PKIB: variants seen among roughly 807,000 people sequenced by gnomAD.
PKIB encodes PKI-beta.
Under a neutral mutation model 4.5 loss-of-function variants are expected in PKIB, and 2 were observed. That is an observed-to-expected ratio of 0.44 (90% CI 0.18 to 1.39). The LOEUF is 1.39. PKIB is among the 40% of genes most tolerant of loss of function. The pLI is 0.27. For missense variants in PKIB, 94 were observed against 92.6 expected (o/e 1.02, Z -0.06); for synonymous variants, 38 against 36.0 (o/e 1.06, Z -0.20).
intron 3 of PKIB, among the ~76,000 whole-genome samples, chr6:122,697,244 A>T (rs988386194): frequency 1.3e-5 from 2 of 152,090 alleles, no homozygotes; most frequent in East Asian, 3.9e-4. Flanking sequence ...GGTCCCCTTC[A>T]TAAGGATGGT....
chr6:122,495,138 G>A (rs1382531906), intron 2 of PKIB, among the ~76,000 whole-genome samples: 1 of 152,074 alleles, frequency 6.6e-6, no homozygotes, highest in Admixed American at 6.5e-5. Context: ...AAACATTTTG[G>A]TTGGTGACAG....
chr6:122,567,659 G>A (rs771887322), intron 2 of PKIB, among the ~76,000 whole-genome samples: 1 of 152,144 alleles, frequency 6.6e-6, no homozygotes, highest in African/African-American at 2.4e-5. Flanking sequence ...GAATTTATAA[G>A]TAGAGTAGTA....
chr6:122,654,569 T>G (rs1776695380), intron 2 of PKIB, among the ~76,000 whole-genome samples: 1 of 152,204 alleles, frequency 6.6e-6, no homozygotes, highest in Non-Finnish European at 1.5e-5. Context: ...ACAGGGTTCT[T>G]AACCAAGGCT....
intron 2 of PKIB, among the ~76,000 whole-genome samples, chr6:122,516,343 A>G (rs979872635): frequency 3.3e-5 from 5 of 152,124 alleles, no homozygotes; most frequent in African/African-American, 4.8e-5. Context: ...ATATAACTCC[A>G]TAGGAGACCT....
Position 122,519,310 on chromosome 6 carries a change from G to A in PKIB, c.-248+41371G>A, listed in dbSNP as rs549730514. ...CCCAGATGAGACTGTCTAGTTGCAGGAAAACAAGCTCAGGGCTCCCACTGA... is the reference window on the plus strand; with the variant it reads ...CCCAGATGAGACTGTCTAGTTGCAGAAAAACAAGCTCAGGGCTCCCACTGA... On this transcript the variant is annotated intron_variant, in intron 2 of 6. Coordinates refer to the PKIB transcript ENST00000392491. Among the ~76,000 whole-genome samples, 4 of 152,226 alleles carry A rather than the reference G, an allele frequency of 2.6e-5. No homozygotes were observed. The South Asian group carries it at 8.3e-4, about 32-fold the overall frequency.
intron 2 of PKIB, among the ~76,000 whole-genome samples, chr6:122,557,155 G>T (rs1772868852): frequency 6.6e-6 from 1 of 152,208 alleles, no homozygotes; most frequent in African/African-American, 2.4e-5. Flanking sequence ...GGCAGAGCTT[G>T]CAGTGAGCTG....
At chr6:122,691,812 G>A (rs1176993630) in intron 3 of PKIB, among the ~76,000 whole-genome samples, 1 of 152,004 alleles carries the variant, frequency 6.6e-6, no homozygotes, top group African/African-American at 2.4e-5. Context: ...GTCTCAGTCT[G>A]GGCTTGTTTT....
At chr6:122,703,946 A>AGT (rs1778947268) in intron 3 of PKIB, among the ~76,000 whole-genome samples, 1 of 81,514 alleles carries the variant, frequency 1.2e-5, no homozygotes, top group Non-Finnish European at 2.8e-5. Context: ...ATATATAGAG[A>AGT]GAGAGAGAGA....
intron 2 of PKIB, among the ~76,000 whole-genome samples, chr6:122,636,287 A>G (rs1442708480): frequency 6.6e-6 from 1 of 152,082 alleles, no homozygotes; most frequent in Non-Finnish European, 1.5e-5. Flanking sequence ...TATTTTTGCT[A>G]AAAATATATA....
intron 3 of PKIB, among the ~76,000 whole-genome samples, chr6:122,592,949 A>G (rs921323127): frequency 6.6e-6 from 1 of 152,204 alleles, no homozygotes; most frequent in East Asian, 1.9e-4. Flanking sequence ...AATAATGTAC[A>G]TAACTCTAAT....
chr6:122,478,311 C>G (rs1445549013), intron 2 of PKIB: 1 of 152,134 alleles, frequency 6.6e-6, no homozygotes, highest in Non-Finnish European at 1.5e-5. Flanking sequence ...TGGCAGAATC[C>G]AGTCTTTCTA....
At chr6:122,592,575 CT>C (rs1774051995) in intron 3 of PKIB, among the ~76,000 whole-genome samples, 1 of 152,340 alleles carries the variant, frequency 6.6e-6, no homozygotes, top group African/African-American at 2.4e-5. Context: ...TCCCACATCA[CT>C]TCTCTCACCC....
At chr6:122,707,360 C>T (rs1442301113) in intron 3 of PKIB, among the ~76,000 whole-genome samples, 3 of 151,980 alleles carry the variant, frequency 2.0e-5, no homozygotes, top group African/African-American at 7.2e-5. Flanking sequence ...AAGGCTTAAT[C>T]ATTTCTCTCC....
chr6:122,623,975 G>C (rs1475272672), intron 1 of PKIB, among the ~76,000 whole-genome samples: 3 of 152,054 alleles, frequency 2.0e-5, no homozygotes, highest in African/African-American at 4.8e-5. Flanking sequence ...CAAGAATTCA[G>C]TATGTCATTT....
intron 1 of PKIB, among the ~76,000 whole-genome samples, chr6:122,477,013 A>AT (rs1488339601): frequency 2.0e-5 from 3 of 152,168 alleles, no homozygotes; most frequent in African/African-American, 4.8e-5. Flanking sequence ...GTAATTTAAA[A>AT]TTTTTTGTAG....
At chr6:122,706,083 C>T (rs1206648330) in intron 3 of PKIB, among the ~76,000 whole-genome samples, 1 of 152,044 alleles carries the variant, frequency 6.6e-6, no homozygotes, top group East Asian at 1.9e-4. Flanking sequence ...TTTTGCACTC[C>T]CCTCTTTTAG....
chr6:122,615,282 T>C (rs536731157), intron 1 of PKIB, among the ~76,000 whole-genome samples: 3 of 152,274 alleles, frequency 2.0e-5, no homozygotes, highest in South Asian at 4.1e-4. Flanking sequence ...GGAGGTTTCA[T>C]CTGAAGGCTA....
intron 3 of PKIB, among the ~76,000 whole-genome samples, chr6:122,689,321 T>C (rs1562303037): frequency 6.6e-6 from 1 of 152,218 alleles, no homozygotes; most frequent in Non-Finnish European, 1.5e-5. Context: ...CAGTTTTCTC[T>C]TGCTTTTCTA....
chr6:122,608,661 T>A (rs1774625243), upstream of PKIB, among the ~76,000 whole-genome samples: 1 of 152,222 alleles, frequency 6.6e-6, no homozygotes, highest in African/African-American at 2.4e-5. Context: ...GAGTACCTAC[T>A]TTGTGAAGGT....
Sources: gnomAD v4.1 joint callset for allele counts (sites outside exome capture counted in the v4.1 genomes callset) on GRCh38, gnomAD v4.1.1 for gene constraint, MANE v1.5 for transcripts, NCBI Gene and HGNC (gene_info 2026-07-23, HGNC 2026-07-21) for gene names.